AP1M2: variants seen among roughly 807,000 people sequenced by gnomAD.
AP1M2 encodes AP-1 complex subunit mu-2.
A neutral mutation model predicts 54.6 loss-of-function variants in AP1M2; 41 were observed. That is an observed-to-expected ratio of 0.75 (90% CI 0.59 to 0.97). The LOEUF (loss-of-function observed/expected upper bound fraction) is 0.97, where lower values mean the gene tolerates loss of function less well. Ranked by LOEUF, AP1M2 falls within the 50% of genes least tolerant of loss-of-function variation. AP1M2 has a pLI of 0.00. For missense variants in AP1M2, 507 were observed against 561.2 expected (o/e 0.90, Z 0.98); for synonymous variants, 219 against 215.9 (o/e 1.01, Z -0.13).
rs34667196 is a variant in AP1M2, at chr19:10,576,258, ATTTTTTT to A, written c.1047+933_1047+939del. On this transcript the variant is annotated intron_variant, in intron 9 of 11. Coordinates refer to ENST00000250244, the MANE Select transcript of AP1M2 (RefSeq NM_005498.5). Reference sequence around the variant, plus strand: ...AGGCGCACACCCCCATGCCCGGCTAATTTTTTTTTTTTTTTTTTTTTTGAAATGGAGT... The same window carrying A: ...AGGCGCACACCCCCATGCCCGGCTAATTTTTTTTTTTTTTTGAAATGGAGT... 7.0e-4 allele frequency among the ~76,000 whole-genome samples: 58 copies of A among 82,552 alleles called. 1 individual carries two copies. The highest frequency in any genetic ancestry group is 2.4e-3 in the African/African-American group (49 of 20,310). 54.2% of individuals were successfully genotyped at this position (82,552 alleles called of 152,430 possible).
chr19:10,576,072 C>A (rs1018681008), intron 9 of AP1M2, among the ~76,000 whole-genome samples: 42 of 144,838 alleles, frequency 2.9e-4, no homozygotes, highest in African/African-American at 1.1e-3. Flanking sequence ...CTGCGCCTGG[C>A]CTTGTATTTC....
At chr19:10,579,961 A>C (rs571243911) in intron 6 of AP1M2, 103 bp from the exon 7 acceptor site, 2 of 1,231,264 alleles carry the variant, frequency 1.6e-6, no homozygotes, top group Non-Finnish European at 2.2e-6. Context: ...ACATATGGGG[A>C]AACTGGGGCC....
chr19:10,583,568 C>T (rs11085740), intron 3 of AP1M2, 38 bp downstream of exon 3: 350,035 of 1,492,492 alleles, frequency 0.23, 50,517 homozygotes, highest in East Asian at 0.66. Context: ...GAGGGATAGA[C>T]GGATAGACCA....
chr19:10,585,469 C>T (rs750436092), intron 1 of AP1M2, among the ~76,000 whole-genome samples: 4 of 151,924 alleles, frequency 2.6e-5, no homozygotes, highest in Non-Finnish European at 2.9e-5. Context: ...GAGGCTAAGG[C>T]GGGTGGATCA....
At position 10,586,348 on chromosome 19, in the gene AP1M2, G is replaced by A. The variant is rs1253505595; in HGVS notation, c.42+842C>T. ...CATGCACCTGTAGTCCCAGCTACTC[G>A]GGAGGCTGAGGCAGGAGAATTGCTT... is the stretch of plus-strand genomic sequence containing the variant. On this transcript the variant is annotated intron_variant, in intron 1 of 11. Coordinates refer to ENST00000250244, the MANE Select transcript of AP1M2 (RefSeq NM_005498.5). 1.2e-4 allele frequency among the ~76,000 whole-genome samples: 17 copies of A among 142,804 alleles called. 1 individual carries two copies. Among genetic ancestry groups the A allele is most frequent in the Middle Eastern group, 3.9e-3 (1 of 254 alleles). 93.7% of individuals were successfully genotyped at this position (142,804 alleles called of 152,430 possible).
intron 7 of AP1M2, among the ~76,000 whole-genome samples, chr19:10,579,270 G>C (rs909708217): frequency 6.6e-6 from 1 of 151,830 alleles, no homozygotes; most frequent in East Asian, 2.0e-4. Context: ...CAAAAAATTA[G>C]CTGGACACGG....
In AP1M2 at chr19:10,585,294, A is replaced by AGAAAGAAGGAAGGAAGGAAG. The variant is rs748630684; in HGVS notation, c.43-1225_43-1224insCTTCCTTCCTTCCTTCTTTC. Among the ~76,000 whole-genome samples the AGAAAGAAGGAAGGAAGGAAG allele has an allele frequency of 1.0e-4, 12 of 114,954 alleles. 1 individual carries two copies. The highest frequency in any genetic ancestry group is 2.1e-4 in the Non-Finnish European group (11 of 52,590). 75.4% of individuals were successfully genotyped at this position (114,954 alleles called of 152,430 possible). A position where few individuals can be genotyped will look rare whatever the true frequency, so the allele number is the denominator to read the frequency against. On this transcript the variant is annotated intron_variant, in intron 1 of 11. Transcript: ENST00000250244. The stretch of plus-strand genomic sequence containing the variant: ...AAAGAAAGAAGAAAAAAAGAAAGAA[A>AGAAAGAAGGAAGGAAGGAAG]GAAAGAAAGAAAGAAAGAAAGAAAG...
intron 1 of AP1M2, among the ~76,000 whole-genome samples, chr19:10,585,290 A>AGAAAGAAGGAAGGAAGGAAG (rs1555753872): frequency 1.1e-4 from 9 of 82,718 alleles, no homozygotes; most frequent in Non-Finnish European, 2.2e-4. Flanking sequence ...AAAAAAAGAA[A>AGAAAGAAGGAAGGAAGGAAG]GAAAGAAAGA....
At chr19:10,586,191 G>T (rs1469312940) in intron 1 of AP1M2, among the ~76,000 whole-genome samples, 1 of 151,954 alleles carries the variant, frequency 6.6e-6, no homozygotes, top group Non-Finnish European at 1.5e-5. Context: ...GCTGAGGAAG[G>T]AGAATCACTT....
rs1010114414 is a variant in AP1M2 at position 10,575,132 on chromosome 19, C to G, written c.1048-103G>C. The G allele has an allele frequency of 2.4e-6, 3 of 1,257,542 alleles. No homozygotes were observed. The African/African-American group carries it at 4.7e-5, about 20-fold the overall frequency. 77.9% of individuals were successfully genotyped at this position (1,257,542 alleles called of 1,614,324 possible). A position where few individuals can be genotyped will look rare whatever the true frequency, so the allele number is the denominator to read the frequency against. On this transcript the variant is annotated intron_variant, in intron 9 of 11. Coordinates refer to ENST00000250244, the MANE Select transcript of AP1M2 (RefSeq NM_005498.5). ...TCAGATCTGCTCACAGCCCATTTCA[C>G]AGACAGGAAAATAAAGGCTCCTTAG...
At chr19:10,587,072 T>C in intron 1 of AP1M2, 118 bp downstream of exon 1, 1 of 1,149,344 alleles carries the variant, frequency 8.7e-7, no homozygotes, top group African/African-American at 1.6e-5. Flanking sequence ...TTCCCAGGGA[T>C]TGCAGGGGGA....
At chr19:10,577,716 T>A (rs1335931339) in intron 8 of AP1M2, among the ~76,000 whole-genome samples, 1 of 143,132 alleles carries the variant, frequency 7.0e-6, no homozygotes, top group African/African-American at 2.6e-5. Context: ...ATTACAGGCG[T>A]GAGCCACCAT....
intron 1 of AP1M2, among the ~76,000 whole-genome samples, chr19:10,584,677 AAGGTAGGC>A (rs1474066246): frequency 1.2e-5 from 1 of 86,226 alleles, no homozygotes; most frequent in African/African-American, 4.2e-5. Flanking sequence ...GGAAGGAAGG[AAGGTAGGC>A]AGGCAGGCTG....
At position 10,577,225 on chromosome 19, in the gene AP1M2, G is replaced by A. The variant is rs187074319; in HGVS notation, c.1020C>T (p.Val340=). The change falls in exon 9 of 12, where the codon GTC becomes GTT. Residue 340 remains valine, a synonymous_variant. Transcript: ENST00000250244. ...GGAAAGACTTAATACTCCAAATCAC[G>A]ACGTTTCTCTCCGGCACATACTTGG... ...GSAKYVPERN[V]VIWSIKSFPG... is the part of the protein sequence containing the mutation. 5.0e-6 allele frequency: 8 copies of A among 1,611,574 alleles called. No individual in the cohort carries two copies. Among genetic ancestry groups the A allele is most frequent in the Non-Finnish European group, 6.8e-6 (8 of 1,178,912 alleles).
At chr19:10,584,887 C>T (rs1396924221) in intron 1 of AP1M2, 1 of 150,302 alleles carries the variant, frequency 6.7e-6, no homozygotes, top group Non-Finnish European at 1.5e-5. Context: ...CCCCAGACTT[C>T]ATTTGCACCA....
Position 10,574,465 on chromosome 19 carries a change from T to A in AP1M2, c.1201A>T (p.Ser401Cys), listed in dbSNP as rs758824137. Reference sequence around the variant, plus strand: ...ACCCAGGGCAGGGCCTGGTAACCACTTTTCTCAATGATCTTCATGTATCGG... The same window carrying A: ...ACCCAGGGCAGGGCCTGGTAACCACATTTCTCAATGATCTTCATGTATCGG... Reference protein sequence around the residue: ...QVRYMKIIEKSGYQALPWVRY... With the variant: ...QVRYMKIIEKCGYQALPWVRY... The change falls in exon 11 of 12, where the codon AGT (serine) becomes TGT (cysteine). Residue 401 changes from serine to cysteine, a missense_variant. Physicochemically the swap from Ser to Cys is moderately radical, Grantham distance 112. Coordinates refer to ENST00000250244, the MANE Select transcript of AP1M2 (RefSeq NM_005498.5). 3.8e-6 allele frequency: 6 copies of A among 1,564,878 alleles called. No homozygotes were observed. The highest frequency in any genetic ancestry group is 5.2e-6 in the Non-Finnish European group (6 of 1,154,924).
intron 8 of AP1M2, among the ~76,000 whole-genome samples, chr19:10,577,928 G>A (rs143399612): frequency 1.7e-3 from 265 of 152,028 alleles, no homozygotes; most frequent in African/African-American, 2.3e-3. Flanking sequence ...TAGAGACAGC[G>A]TTTCTCCATG....
At chr19:10,575,908 G>T (rs1917214822) in intron 9 of AP1M2, among the ~76,000 whole-genome samples, 1 of 145,348 alleles carries the variant, frequency 6.9e-6, no homozygotes. Flanking sequence ...TGGGACTACA[G>T]GCGCCCGCCA....
At chr19:10,585,317 AAGAAAG>A (rs1425573956) in intron 1 of AP1M2, among the ~76,000 whole-genome samples, 7 of 143,276 alleles carry the variant, frequency 4.9e-5, no homozygotes, top group African/African-American at 1.2e-4. Flanking sequence ...GAAAGAAAGA[AAGAAAG>A]AAAGAAAGAA....
Sources: allele counts gnomAD v4.1 joint callset (sites outside exome capture counted in the v4.1 genomes callset), GRCh38; gene constraint gnomAD v4.1.1; transcripts MANE v1.5; gene names NCBI Gene and HGNC (gene_info 2026-07-23, HGNC 2026-07-21).